Variants in AKT3 observed in about 807,000 individuals in gnomAD.
AKT3 encodes AKT serine/threonine kinase 3.
A neutral mutation model predicts 65.3 loss-of-function variants in AKT3; 15 were observed. The ratio of observed to expected loss-of-function variants is 0.23; its 90% CI spans 0.15 to 0.35. The LOEUF (loss-of-function observed/expected upper bound fraction) is 0.35, where lower values mean the gene tolerates loss of function less well. AKT3 is among the 10% of genes least tolerant of loss of function. The pLI is 1.00. For synonymous variants in AKT3, 206 were observed against 183.8 expected (o/e 1.12, Z -0.98); for missense variants, 243 against 576.5 (o/e 0.42, Z 5.92).
intron 2 of AKT3, among the ~76,000 whole-genome samples, chr1:243,746,429 T>C (rs1459847216): frequency 6.6e-6 from 1 of 152,238 alleles, no homozygotes; most frequent in Non-Finnish European, 1.5e-5. Context: ...CTATACTTGA[T>C]ACAGCCAGTT....
chr1:243,498,007 G>A (rs1238639774), downstream of AKT3, among the ~76,000 whole-genome samples: 1 of 152,084 alleles, frequency 6.6e-6, no homozygotes, highest in Non-Finnish European at 1.5e-5. Flanking sequence ...TTATCTGTTG[G>A]GATTTATGCT....
At chr1:243,526,879 A>C (rs922135913) in intron 12 of AKT3, among the ~76,000 whole-genome samples, 4 of 151,710 alleles carry the variant, frequency 2.6e-5, no homozygotes, top group East Asian at 1.9e-4. Flanking sequence ...AAATGAAGAA[A>C]TGAAAGTGTT....
At chr1:243,700,506 A>ATTTTTTTTTTTTTTTTT (rs67611152) in intron 2 of AKT3, among the ~76,000 whole-genome samples, 9 of 139,936 alleles carry the variant, frequency 6.4e-5, no homozygotes, top group African/African-American at 2.1e-4. Flanking sequence ...GGCTTAGTCT[A>ATTTTTTTTTTTTTTTTT]TTTTTTTTTT....
chr1:243,636,764 C>T (rs1028514475), intron 6 of AKT3, among the ~76,000 whole-genome samples: 1 of 152,046 alleles, frequency 6.6e-6, no homozygotes, highest in Non-Finnish European at 1.5e-5. Flanking sequence ...TTGTTAAAGA[C>T]TATTAGGTGA....
intron 6 of AKT3, among the ~76,000 whole-genome samples, chr1:243,622,445 G>A (rs1054251500): frequency 2.0e-5 from 3 of 152,144 alleles, no homozygotes; most frequent in Non-Finnish European, 4.4e-5. Flanking sequence ...TATTTATTAT[G>A]TGTATTATTT....
intron 2 of AKT3, among the ~76,000 whole-genome samples, chr1:243,762,886 C>T (rs1406830778): frequency 6.6e-6 from 1 of 151,926 alleles, no homozygotes; most frequent in Non-Finnish European, 1.5e-5. Flanking sequence ...ACAGACTTAT[C>T]TGAGTAGAAA....
At position 243,552,251 on chromosome 1, in the gene AKT3, T is replaced by TGCACTCCAG. The variant is rs1387690180; in HGVS notation, c.1163+469_1163+477dup. Among the ~76,000 whole-genome samples, 13 of 112,940 alleles carry TGCACTCCAG rather than the reference T, an allele frequency of 1.2e-4. No homozygotes were observed. The Admixed American group carries it at 1.7e-3, about 14-fold the overall frequency. The allele number at this position is 112,940 out of a possible 152,430, so 74.1% of individuals were successfully genotyped here. On this transcript the variant is annotated intron_variant, in intron 11 of 13. Coordinates refer to ENST00000673466, the MANE Select transcript of AKT3 (RefSeq NM_005465.7). ...TTGCAGTGAGTCAAGATCGCGCCAC[T>TGCACTCCAG]GCACTCCAGCCTGGGTGGCAGAGTG...
chr1:243,513,809 A>G (rs1670174863), intron 12 of AKT3, among the ~76,000 whole-genome samples: 1 of 152,158 alleles, frequency 6.6e-6, no homozygotes, highest in South Asian at 2.1e-4. Flanking sequence ...CTCCTCCACC[A>G]GTGGCAAGGA....
chr1:243,641,019 C>T (rs2147824528), intron 5 of AKT3, among the ~76,000 whole-genome samples: 2 of 152,032 alleles, frequency 1.3e-5, no homozygotes, highest in Middle Eastern at 6.8e-3. Context: ...TAATCAGCTG[C>T]CAGTGTGGCT....
chr1:243,522,933 C>CCACT (rs1670812042), intron 12 of AKT3, among the ~76,000 whole-genome samples: 2 of 152,118 alleles, frequency 1.3e-5, no homozygotes, highest in African/African-American at 4.8e-5. Context: ...ACAGCCACAG[C>CCACT]CACTCTCTTA....
chr1:243,519,911 C>A (rs1670605043), intron 12 of AKT3, among the ~76,000 whole-genome samples: 1 of 152,176 alleles, frequency 6.6e-6, no homozygotes, highest in Non-Finnish European at 1.5e-5. Context: ...TCATGGCTTA[C>A]AAAAGTGTCT....
At chr1:243,669,882 AC>A (rs1216673633) in intron 3 of AKT3, among the ~76,000 whole-genome samples, 1 of 152,190 alleles carries the variant, frequency 6.6e-6, no homozygotes, top group African/African-American at 2.4e-5. Flanking sequence ...TAACATAATG[AC>A]TAAGTAGTTA....
Position 243,538,405 on chromosome 1 carries a change from C to A in AKT3, c.1251+7105G>T, listed in dbSNP as rs935375697. ...AAAAAAGGAACAAAGAAAAAAAAAACAAACAGCAAGATTGTATATTTAAAC... is the reference window on the plus strand; with the variant it reads ...AAAAAAGGAACAAAGAAAAAAAAAAAAAACAGCAAGATTGTATATTTAAAC... On this transcript the variant is annotated intron_variant, in intron 12 of 13. Transcript: ENST00000673466. 3.7e-4 allele frequency among the ~76,000 whole-genome samples: 54 copies of A among 147,886 alleles called. No homozygotes were observed. In the East Asian group the frequency reaches 5.2e-3, roughly 14 times the overall value.
In AKT3 at chr1:243,499,867, AC is replaced by A; in HGVS notation, c.*5381del. On this transcript the variant is annotated 3_prime_UTR_variant, in exon 14 of 14. Transcript: ENST00000673466. Reference sequence around the variant, plus strand: ...GTTTAGACTTAATATGCCACAACGCACCACGACCTTCCCAGGGTGACACCGC... The same window carrying A: ...GTTTAGACTTAATATGCCACAACGCACACGACCTTCCCAGGGTGACACCGC... 1 of 1,356,116 alleles carries A rather than the reference AC, an allele frequency of 7.4e-7. No homozygotes were observed. 84.0% of individuals were successfully genotyped at this position (1,356,116 alleles called of 1,614,324 possible).
At chr1:243,597,849 C>A (rs1676733411) in intron 8 of AKT3, among the ~76,000 whole-genome samples, 1 of 152,176 alleles carries the variant, frequency 6.6e-6, no homozygotes, top group Non-Finnish European at 1.5e-5. Flanking sequence ...ATACTAAGCA[C>A]ATAGTACAGT....
chr1:243,742,866 T>C (rs563170241), intron 2 of AKT3, among the ~76,000 whole-genome samples: 2 of 151,934 alleles, frequency 1.3e-5, no homozygotes, highest in East Asian at 3.9e-4. Flanking sequence ...TTTTTTTTTT[T>C]AATGTGTAGA....
intron 2 of AKT3, chr1:243,741,873 C>T: frequency 6.6e-6 from 1 of 151,922 alleles, no homozygotes; most frequent in Non-Finnish European, 1.5e-5. Flanking sequence ...AGAAATTAAA[C>T]ATGAAAAGGA....
In AKT3 at chr1:243,552,758, T is replaced by C; in HGVS notation, c.1134A>G (p.Ser378=). 6.2e-7 allele frequency: 1 copy of C among 1,614,040 alleles called. No individual in the cohort carries two copies. Among genetic ancestry groups the C allele is most frequent in the African/African-American group, 1.3e-5 (1 of 75,040 alleles). ...TATTTGGATCCTTTATCAAGAGCCCTGAAAGCAATGATTTTGCATCTGAAG... is the reference window on the plus strand; with the variant it reads ...TATTTGGATCCTTTATCAAGAGCCCCGAAAGCAATGATTTTGCATCTGAAG... ...TLSSDAKSLL[S]GLLIKDPNKR... Residue 378 remains serine (S), a synonymous_variant, in exon 11 of 14, where the codon TCA becomes TCG. Coordinates refer to ENST00000673466, the MANE Select transcript of AKT3 (RefSeq NM_005465.7).
chr1:243,695,523 G>A lies in AKT3; in HGVS notation c.172+68C>T, dbSNP rs113767182. ...TTCACAGGTTTCTCATATAGCCTAA[G>A]ATATCTGACACATAAAATCATAAAA... On this transcript the variant is annotated intron_variant, in intron 3 of 13. Coordinates refer to ENST00000673466, the MANE Select transcript of AKT3 (RefSeq NM_005465.7). The A allele has an allele frequency of 6.7e-5, 95 of 1,417,988 alleles. 4 individuals carry two copies. In the African/African-American group the frequency reaches 7.2e-4, roughly 11 times the overall value. The allele number at this position is 1,417,988 out of a possible 1,614,324, so 87.8% of individuals were successfully genotyped here.
Sources: allele counts gnomAD v4.1 joint callset (sites outside exome capture counted in the v4.1 genomes callset), GRCh38; gene constraint gnomAD v4.1.1; transcripts MANE v1.5; gene names NCBI Gene and HGNC (gene_info 2026-07-23, HGNC 2026-07-21).